The following UGT2A2 variants were observed in gnomAD, a reference collection of about 807,000 sequenced individuals.
UGT2A2 encodes the protein UDP glucuronosyltransferase family 2 member A2.
A neutral mutation model predicts 50.7 loss-of-function variants in UGT2A2; 60 were observed. The observed-to-expected ratio is 1.18, with a 90% CI of 0.96 to 1.47. UGT2A2 has a LOEUF of 1.47. Ranked by LOEUF, UGT2A2 falls within the 40% of genes most tolerant of loss-of-function variation. The pLI is 0.00. For missense variants in UGT2A2, 762 were observed against 634.0 expected (o/e 1.20, Z -2.17); for synonymous variants, 242 against 214.6 (o/e 1.13, Z -1.11).
chr4:69,600,624 A>AT (rs1191497956), intron 1 of UGT2A2, among the ~76,000 whole-genome samples: 2 of 152,062 alleles, frequency 1.3e-5, no homozygotes, highest in Non-Finnish European at 2.9e-5. Context: ...TGAGTAATTT[A>AT]TTTTTTTAAA....
At chr4:69,638,812 T>G (rs1014635991) in intron 1 of UGT2A2, 87 bp downstream of exon 1, 1 of 1,422,226 alleles carries the variant, frequency 7.0e-7, no homozygotes, top group African/African-American at 1.4e-5. Context: ...GCTCAGCATA[T>G]GCAGTGGAAT....
At chr4:69,600,737 C>G (rs1304374589) in intron 1 of UGT2A2, among the ~76,000 whole-genome samples, 2 of 151,676 alleles carry the variant, frequency 1.3e-5, no homozygotes, top group African/African-American at 4.9e-5. Context: ...CAGAAGGCAA[C>G]AGAGCAGCAG....
intron 1 of UGT2A2, among the ~76,000 whole-genome samples, chr4:69,631,473 T>C (rs550709425): frequency 2.0e-5 from 3 of 152,252 alleles, no homozygotes; most frequent in African/African-American, 7.2e-5. Flanking sequence ...CACAAGAAAG[T>C]AGGCTGTCAA....
intron 1 of UGT2A2, among the ~76,000 whole-genome samples, chr4:69,633,260 A>T (rs75836102): frequency 0.042 from 6,414 of 152,268 alleles, 154 homozygotes; most frequent in Middle Eastern, 0.072. Flanking sequence ...ATACCTTAAT[A>T]AAAACAATAG....
intron 1 of UGT2A2, among the ~76,000 whole-genome samples, chr4:69,609,243 T>C (rs1719882054): frequency 6.6e-6 from 1 of 151,740 alleles, no homozygotes; most frequent in Admixed American, 6.6e-5. Flanking sequence ...GCCTTGACCT[T>C]ATGAGCCCAA....
At chr4:69,615,362 C>G (rs1720317457) in intron 1 of UGT2A2, among the ~76,000 whole-genome samples, 1 of 151,952 alleles carries the variant, frequency 6.6e-6, no homozygotes, top group Non-Finnish European at 1.5e-5. Context: ...CAAAAATGGA[C>G]AGATGGGATC....
chr4:69,594,380 G>T, intron 5 of UGT2A2, 97 bp downstream of exon 5: 2 of 1,458,536 alleles, frequency 1.4e-6, no homozygotes, highest in Non-Finnish European at 1.8e-6. Context: ...GGTTGTTATT[G>T]GAAAATAATT....
At chr4:69,625,145 A>G (rs750827036) in intron 1 of UGT2A2, among the ~76,000 whole-genome samples, 4 of 147,922 alleles carry the variant, frequency 2.7e-5, no homozygotes, top group East Asian at 2.0e-4. Flanking sequence ...ATTGCTTTCA[A>G]TGAGAAGTCT....
At chr4:69,633,329 A>C (rs1721490378) in intron 1 of UGT2A2, among the ~76,000 whole-genome samples, 1 of 152,212 alleles carries the variant, frequency 6.6e-6, no homozygotes, top group African/African-American at 2.4e-5. Flanking sequence ...CCAAGTGTTG[A>C]TGACAATGGA....
Position 69,589,407 on chromosome 4 carries a change from A to G in UGT2A2, c.1576T>C (p.Phe526Leu), listed in dbSNP as rs746322126. ...IQCCLFSCQK[F>L]GKIGKKKKRE ...TTTTTCTTCTTTCCTATCTTACCAAATTTTTGACAGGAAAACAAACAACAT... is the reference window on the plus strand; with the variant it reads ...TTTTTCTTCTTTCCTATCTTACCAAGTTTTTGACAGGAAAACAAACAACAT... Residue 526 changes from phenylalanine to leucine, a missense_variant, in exon 6 of 6, where the codon TTT (phenylalanine) becomes CTT (leucine). Physicochemically the swap from Phe to Leu is conservative, Grantham distance 22 (BLOSUM62 0). Transcript: ENST00000604629. 24 of 1,613,488 alleles carry G rather than the reference A, an allele frequency of 1.5e-5. No homozygotes were observed. The highest frequency in any genetic ancestry group is 2.0e-5 in the Non-Finnish European group (24 of 1,179,770).
intron 2 of UGT2A2, among the ~76,000 whole-genome samples, chr4:69,598,349 ATAGT>A (rs930750629): frequency 5.9e-5 from 9 of 152,136 alleles, no homozygotes; most frequent in African/African-American, 1.2e-4. Flanking sequence ...CTCCTTATTG[ATAGT>A]TAAATACATT....
intron 5 of UGT2A2, 149 bp downstream of exon 5, chr4:69,594,328 G>T: frequency 2.7e-6 from 3 of 1,099,790 alleles, no homozygotes; most frequent in Non-Finnish European, 3.8e-6. Flanking sequence ...AATCACTTTA[G>T]CAGTTTGGCA....
chr4:69,630,204 T>C (rs1721305985), intron 1 of UGT2A2, among the ~76,000 whole-genome samples: 1 of 152,100 alleles, frequency 6.6e-6, no homozygotes, highest in African/African-American at 2.4e-5. Context: ...AATGAGGATA[T>C]ACCAATAGTA....
At chr4:69,624,920 A>G (rs1235159874) in intron 1 of UGT2A2, among the ~76,000 whole-genome samples, 2 of 151,330 alleles carry the variant, frequency 1.3e-5, no homozygotes, top group Admixed American at 6.6e-5. Context: ...AATTTTTACT[A>G]GAGATCATTT....
In UGT2A2 at chr4:69,602,559, AATGAGG is replaced by A. The variant is rs1373934134; in HGVS notation, c.743-3171_743-3166del. On this transcript the variant is annotated intron_variant, in intron 1 of 5. Transcript: ENST00000604629. Reference sequence around the variant, plus strand: ...AAACAATATACAGATAAATCTTCAGAATGAGGAAGAGAAGTTTTAATTTTGCTGAAT... The same window carrying A: ...AAACAATATACAGATAAATCTTCAGAAAGAGAAGTTTTAATTTTGCTGAAT... 1.5e-5 allele frequency among the ~76,000 whole-genome samples: 2 copies of A among 137,538 alleles called. 1 individual carries two copies. Among genetic ancestry groups the A allele is most frequent in the Non-Finnish European group, 3.1e-5 (2 of 64,468 alleles). 90.2% of individuals were successfully genotyped at this position (137,538 alleles called of 152,430 possible). A position where few individuals can be genotyped will look rare whatever the true frequency, so the allele number is the denominator to read the frequency against.
At chr4:69,630,573 G>A (rs1721327274) in intron 1 of UGT2A2, among the ~76,000 whole-genome samples, 1 of 152,048 alleles carries the variant, frequency 6.6e-6, no homozygotes, top group Non-Finnish European at 1.5e-5. Flanking sequence ...CCTCCAAGTA[G>A]AAAAGGGTCA....
intron 5 of UGT2A2, among the ~76,000 whole-genome samples, chr4:69,592,930 C>T (rs4148306): frequency 0.62 from 93,439 of 151,730 alleles, 28,978 homozygotes; most frequent in East Asian, 0.74. Context: ...TACACCATAA[C>T]TGAGTTTCTG....
chr4:69,614,942 G>C (rs1030574464), intron 1 of UGT2A2, among the ~76,000 whole-genome samples: 1 of 152,054 alleles, frequency 6.6e-6, no homozygotes, highest in Non-Finnish European at 1.5e-5. Flanking sequence ...CAATGGGGAA[G>C]CAAGCACATC....
chr4:69,631,335 T>C (rs553727150), intron 1 of UGT2A2, among the ~76,000 whole-genome samples: 104 of 152,210 alleles, frequency 6.8e-4, no homozygotes, highest in Non-Finnish European at 1.1e-3. Context: ...TATTTTATCA[T>C]AAAATTAAAA....
Sources: allele counts gnomAD v4.1 joint callset (sites outside exome capture counted in the v4.1 genomes callset), GRCh38; gene constraint gnomAD v4.1.1; transcripts MANE v1.5; gene names NCBI Gene and HGNC (gene_info 2026-07-23, HGNC 2026-07-21).